Variants in BMP1 observed in about 807,000 individuals in gnomAD.
The protein encoded by BMP1 is mammalian tolloid protein.
BMP1 carries 63 observed loss-of-function variants against 116.8 expected under a neutral mutation model. The observed-to-expected ratio is 0.54, with a 90% CI of 0.44 to 0.67. BMP1 has a LOEUF of 0.67. BMP1 is among the 30% of genes least tolerant of loss of function. The probability of loss-of-function intolerance (pLI) is 0.00; values close to 1 mark genes in which losing one functional copy is unlikely to be tolerated. For missense variants in BMP1, 1,183 were observed against 1,358.9 expected (o/e 0.87, Z 2.04); for synonymous variants, 536 against 533.4 (o/e 1.00, Z -0.07).
rs928196147 is a variant in BMP1, at chr8:22,165,453, C to A, written c.48C>A (p.Leu16=). Residue 16 remains leucine, a synonymous_variant, in exon 1 of 20, where the codon CTC becomes CTA. Transcript: ENST00000306385. Reference sequence around the variant, plus strand: ...CGCTGCTGCTCGGGCTGCTGCTGCTCCCGCGTCCCGGCCGGCCGCTGGACT... The same window carrying A: ...CGCTGCTGCTCGGGCTGCTGCTGCTACCGCGTCCCGGCCGGCCGCTGGACT... The part of the protein sequence containing the change: ...RLPLLLGLLL[L]PRPGRPLDLA... 2 of 1,580,064 alleles carry A rather than the reference C, an allele frequency of 1.3e-6. No homozygotes were observed. The highest frequency in any genetic ancestry group is 1.7e-6 in the Non-Finnish European group (2 of 1,167,098).
At chr8:22,190,643 C>T (rs189001147) in intron 8 of BMP1, among the ~76,000 whole-genome samples, 2 of 152,270 alleles carry the variant, frequency 1.3e-5, no homozygotes, top group East Asian at 1.9e-4. Flanking sequence ...GTCCTCTAGG[C>T]GGACATTGGA....
chr8:22,188,115 C>T (rs1158000588), intron 8 of BMP1, among the ~76,000 whole-genome samples: 1 of 151,866 alleles, frequency 6.6e-6, no homozygotes, highest in African/African-American at 2.4e-5. Context: ...ACTCTGTACC[C>T]CATATCTCAT....
In BMP1 at chr8:22,193,615, C is replaced by G. The variant is rs7816644; in HGVS notation, c.1181-443C>G. Among the ~76,000 whole-genome samples the G allele has an allele frequency of 1.6e-3, 248 of 152,296 alleles. 2 individuals carry two copies. Among genetic ancestry groups the G allele is most frequent in the African/African-American group, 5.7e-3 (237 of 41,578 alleles). On this transcript the variant is annotated intron_variant, in intron 9 of 19. Coordinates refer to ENST00000306385, the MANE Select transcript of BMP1 (RefSeq NM_006129.5). ...CCTGGCCAACATGGCAAAACCTCAT[C>G]TCTACTAAAAATACGAAAATTAGCT...
At chr8:22,172,325 G>T (rs1348084809) in intron 1 of BMP1, among the ~76,000 whole-genome samples, 1 of 151,990 alleles carries the variant, frequency 6.6e-6, no homozygotes, top group Non-Finnish European at 1.5e-5. Flanking sequence ...CAGTTCTATG[G>T]CCTCTGCTTC....
In BMP1 at chr8:22,198,106, G is replaced by A. The variant is rs965222976; in HGVS notation, c.2107+686G>A. ...AGGCTGAGGTAGGAGGATTGCTTGA[G>A]CCCAGGAGTTTGAGGCTGTAGTGAA... On this transcript the variant is annotated intron_variant, in intron 15 of 19. Transcript: ENST00000306385. 3.3e-5 allele frequency among the ~76,000 whole-genome samples: 5 copies of A among 152,212 alleles called. 1 individual carries two copies. The highest frequency in any genetic ancestry group is 2.0e-4 in the Admixed American group (3 of 15,282).
intron 15 of BMP1, among the ~76,000 whole-genome samples, chr8:22,200,375 G>A (rs114009802): frequency 0.015 from 2,215 of 152,292 alleles, 54 homozygotes; most frequent in East Asian, 0.074. Flanking sequence ...GTGTGCAGAT[G>A]TGTCCTGTCC....
At chr8:22,199,011 T>A in intron 15 of BMP1, 3 of 1,320,802 alleles carry the variant, frequency 2.3e-6, no homozygotes, top group Non-Finnish European at 3.0e-6. Context: ...CCTGCCCTTC[T>A]GTTGCTCCAG....
At position 22,194,937 on chromosome 8, in the gene BMP1, C is replaced by G. The variant is rs768044916; in HGVS notation, c.1639+18C>G. 5.0e-6 allele frequency: 8 copies of G among 1,589,012 alleles called. No homozygotes were observed. Among genetic ancestry groups the G allele is most frequent in the South Asian group, 4.6e-5 (4 of 86,512 alleles). On this transcript the variant is annotated intron_variant, in intron 12 of 19. Coordinates refer to ENST00000306385, the MANE Select transcript of BMP1 (RefSeq NM_006129.5). The surrounding 1 kb of genome is among the most constrained non-coding windows in gnomAD (Gnocchi z 4.5). ...TTTCAAAGGTGCCTCCTCTGTTACTCTCCCCTGCCCCAAGGTGCCTCGTGA... is the reference window on the plus strand; with the variant it reads ...TTTCAAAGGTGCCTCCTCTGTTACTGTCCCCTGCCCCAAGGTGCCTCGTGA...
In BMP1 at chr8:22,179,925, A is replaced by C; in HGVS notation, c.961+96A>C. The C allele has an allele frequency of 7.5e-7, 1 of 1,340,448 alleles. No homozygotes were observed. The highest frequency in any genetic ancestry group is 1.0e-6 in the Non-Finnish European group (1 of 979,722). 83.0% of individuals were successfully genotyped at this position (1,340,448 alleles called of 1,614,324 possible). A position where few individuals can be genotyped will look rare whatever the true frequency, so the allele number is the denominator to read the frequency against. Reference sequence around the variant, plus strand: ...GTGCCACCAAGAAGGCTTAGGCTGCAAGTCTTAGAGAATGGTGTGGCGGGG... The same window carrying C: ...GTGCCACCAAGAAGGCTTAGGCTGCCAGTCTTAGAGAATGGTGTGGCGGGG... On this transcript the variant is annotated intron_variant, in intron 7 of 19. Transcript: ENST00000306385. The surrounding 1 kb of genome is among the most constrained non-coding windows in gnomAD (Gnocchi z 4.6).
At chr8:22,192,213 CA>C (rs1775302554) in intron 9 of BMP1, 62 bp downstream of exon 9, 1 of 1,425,682 alleles carries the variant, frequency 7.0e-7, no homozygotes, top group Admixed American at 1.7e-5. Context: ...CCACCCTCAT[CA>C]CACTCTTCAT....
intron 16 of BMP1, 21 bp downstream of exon 16, chr8:22,201,949 G>A (rs1437034501): frequency 3.1e-6 from 5 of 1,601,150 alleles, no homozygotes; most frequent in Non-Finnish European, 4.3e-6. Context: ...CATGCCAGGG[G>A]CATCTGGGCT....
Position 22,165,549 on chromosome 8 carries a change from G to C in BMP1, c.144G>C (p.Lys48Asn), listed in dbSNP as rs771035694. ...CCCTCAACTACAAAGACCCCTGCAA[G>C]GCGGGTGAGCGCCCCCCGGCCCCCC... ...SEPLNYKDPC[K>N]AAAFLGDIAL... The change falls in exon 1 of 20, where the codon AAG (lysine) becomes AAC (asparagine). Residue 48 changes from lysine to asparagine, a missense_variant. This residue lies in a region of BMP1 where 185 missense variants were observed against 158.9 expected (regional missense o/e 1.16). Transcript: ENST00000306385. The C allele has an allele frequency of 1.9e-6, 3 of 1,582,088 alleles. No homozygotes were observed. Among genetic ancestry groups the C allele is most frequent in the South Asian group, 2.3e-5 (2 of 87,566 alleles).
intron 9 of BMP1, 108 bp from the exon 10 acceptor site, chr8:22,193,950 G>C: frequency 1.2e-6 from 1 of 828,608 alleles, no homozygotes. Flanking sequence ...GTGTGAAGTA[G>C]GGTGGCCACA....
At chr8:22,166,320 G>A (rs147455618) in intron 1 of BMP1, among the ~76,000 whole-genome samples, 18 of 152,082 alleles carry the variant, frequency 1.2e-4, no homozygotes, top group Admixed American at 9.8e-4. Context: ...TGTCACCCCC[G>A]AGACACCAGA....
chr8:22,210,446 C>CCTCT (rs35296515), intron 19 of BMP1, among the ~76,000 whole-genome samples: 3 of 135,654 alleles, frequency 2.2e-5, no homozygotes, highest in South Asian at 2.3e-4. Flanking sequence ...TCTCTCTTTC[C>CCTCT]CTCTCTCTCT....
chr8:22,211,133 A>G (rs1258615496), intron 19 of BMP1, among the ~76,000 whole-genome samples: 2 of 152,216 alleles, frequency 1.3e-5, no homozygotes, highest in Non-Finnish European at 2.9e-5. Flanking sequence ...ACACTCCAGC[A>G]GAGAAGTGGC....
chr8:22,196,706 C>T lies in BMP1; in HGVS notation c.1792C>T (p.Leu598Phe), dbSNP rs1264696881. 1 of 1,614,152 alleles carries T rather than the reference C, an allele frequency of 6.2e-7. No individual in the cohort carries two copies. Among genetic ancestry groups the T allele is most frequent in the South Asian group, 1.1e-5 (1 of 91,086 alleles). The change falls in exon 14 of 20, where the codon CTC becomes TTC. Residue 598 changes from leucine (L) to phenylalanine (F), a missense_variant. Transcript: ENST00000306385. ...TGCTTGTGGCGGATTCCTCACCAAG[C>T]TCAACGGCTCCATCACCAGCCCGGG... ...EAACGGFLTK[L>F]NGSITSPGWP...
At chr8:22,188,138 A>G (rs367830974) in intron 8 of BMP1, among the ~76,000 whole-genome samples, 1 of 147,762 alleles carries the variant, frequency 6.8e-6, no homozygotes, top group Admixed American at 6.8e-5. Context: ...AATCCTCCCA[A>G]CTCCCCAGTG....
intron 1 of BMP1, chr8:22,169,592 A>C (rs1257517616): frequency 1.3e-5 from 2 of 152,270 alleles, no homozygotes; most frequent in African/African-American, 2.4e-5. Context: ...CCTCTGCAGA[A>C]GTGTTCACAT....
Sources: allele counts gnomAD v4.1 joint callset (sites outside exome capture counted in the v4.1 genomes callset), GRCh38; gene constraint gnomAD v4.1.1; regional missense constraint gnomAD v4.1.1; non-coding constraint Gnocchi (gnomAD v3.1); transcripts MANE v1.5; gene names NCBI Gene and HGNC (gene_info 2026-07-23, HGNC 2026-07-21).